Variants in NFX1 observed in about 807,000 individuals in gnomAD.
The protein encoded by NFX1 is transcriptional repressor NF-X1.
A neutral mutation model predicts 137.2 loss-of-function variants in NFX1; 69 were observed. That is an observed-to-expected ratio of 0.50 (90% CI 0.41 to 0.61). The LOEUF is 0.61. Ranked by LOEUF, NFX1 falls within the 20% of genes least tolerant of loss-of-function variation. NFX1 has a pLI of 0.00. For synonymous variants in NFX1, 495 were observed against 474.1 expected (o/e 1.04, Z -0.57); for missense variants, 1,167 against 1,391.0 (o/e 0.84, Z 2.56).
chr9:33,364,872 T>C (rs1824125293), intron 21 of NFX1, 98 bp downstream of exon 21: 4 of 1,535,364 alleles, frequency 2.6e-6, no homozygotes, highest in Admixed American at 2.2e-5. Flanking sequence ...CCTAGAGTAG[T>C]TGTAGGAAAA....
At chr9:33,352,951 T>C (rs185186809) in intron 17 of NFX1, 37 of 460,028 alleles carry the variant, frequency 8.0e-5, no homozygotes, top group African/African-American at 6.9e-4. Context: ...TTTTGTTTTA[T>C]TGAGAGGGGT....
At position 33,298,501 on chromosome 9, in the gene NFX1, G is replaced by A. The variant is rs1002619602; in HGVS notation, c.1034-2762G>A. Reference sequence around the variant, plus strand: ...TTCTAAAATAATCACTTAGGGTCTGGATGTGGTGGCTCACATCTGTAATCC... The same window carrying A: ...TTCTAAAATAATCACTTAGGGTCTGAATGTGGTGGCTCACATCTGTAATCC... On this transcript the variant is annotated intron_variant, in intron 2 of 23. Transcript: ENST00000379540. Among the ~76,000 whole-genome samples the A allele has an allele frequency of 8.5e-5, 13 of 152,332 alleles. No homozygotes were observed. The South Asian group carries it at 1.7e-3, about 19-fold the overall frequency.
At chr9:33,290,929 A>G (rs1333581087) in intron 1 of NFX1, among the ~76,000 whole-genome samples, 1 of 152,194 alleles carries the variant, frequency 6.6e-6, no homozygotes, top group African/African-American at 2.4e-5. Flanking sequence ...GGTCACAGCC[A>G]GTGACGGTGG....
intron 11 of NFX1, among the ~76,000 whole-genome samples, chr9:33,333,415 A>G (rs1196823801): frequency 6.6e-6 from 1 of 151,968 alleles, no homozygotes; most frequent in Non-Finnish European, 1.5e-5. Flanking sequence ...GATTTTGAAG[A>G]CTTCAATTTG....
intron 9 of NFX1, 111 bp from the exon 10 acceptor site, chr9:33,328,470 A>G (rs1822678566): frequency 4.1e-6 from 3 of 723,098 alleles, no homozygotes; most frequent in Middle Eastern, 2.4e-4. Context: ...CTCAACTCTG[A>G]TTCTGGAGTT....
At position 33,303,396 on chromosome 9, in the gene NFX1, A is replaced by G. The variant is rs1052618821; in HGVS notation, c.1270+128A>G. On this transcript the variant is annotated intron_variant, in intron 4 of 23. Coordinates refer to ENST00000379540, the MANE Select transcript of NFX1 (RefSeq NM_002504.6). ...CTTCAAAGCTCTAGGAGTCTATAAG[A>G]CTGTAATTATGTGGTCCATCACACA... 4.3e-5 allele frequency: 32 copies of G among 752,116 alleles called. No individual in the cohort carries two copies. The Middle Eastern group carries it at 1.2e-3, about 28-fold the overall frequency. The allele number at this position is 752,116 out of a possible 1,614,324, so 46.6% of individuals were successfully genotyped here.
chr9:33,347,227 A>T (rs1823456035), intron 15 of NFX1, 110 bp downstream of exon 15: 1 of 816,736 alleles, frequency 1.2e-6, no homozygotes, highest in Non-Finnish European at 2.0e-6. Flanking sequence ...CAGAAGTAGA[A>T]GCTTTCCATT....
At chr9:33,301,463 T>C (rs761811527) in intron 3 of NFX1, 42 bp downstream of exon 3, 1 of 1,594,098 alleles carries the variant, frequency 6.3e-7, no homozygotes, top group Non-Finnish European at 8.5e-7. Flanking sequence ...CTCCCCTATT[T>C]GATACGTTTA....
At chr9:33,304,376 C>T (rs1325545271) in intron 4 of NFX1, among the ~76,000 whole-genome samples, 2 of 152,226 alleles carry the variant, frequency 1.3e-5, no homozygotes, top group African/African-American at 4.8e-5. Flanking sequence ...TAGCCCTTGA[C>T]ACCTTTGACC....
At chr9:33,314,023 G>A (rs895203434) in intron 7 of NFX1, among the ~76,000 whole-genome samples, 12 of 151,406 alleles carry the variant, frequency 7.9e-5, no homozygotes, top group African/African-American at 1.9e-4. Flanking sequence ...TCACTCTGCC[G>A]CCCAGGCTGG....
rs1821558701 is a variant in NFX1 at position 33,301,381 on chromosome 9, C to T, written c.1152C>T (p.Asn384=). The T allele has an allele frequency of 6.2e-7, 1 of 1,614,030 alleles. No individual in the cohort carries two copies. The highest frequency in any genetic ancestry group is 1.3e-5 in the African/African-American group (1 of 74,920). ...GCTGTTACCATGTGTTTCATTTGAA[C>T]TGCATAAAGAAATGGGCAAGGTCTC... The part of the protein sequence containing the change: ...CQSCYHVFHL[N]CIKKWARSPA... The change falls in exon 3 of 24, where the codon AAC becomes AAT. Residue 384 remains asparagine (N), a synonymous_variant. Coordinates refer to ENST00000379540, the MANE Select transcript of NFX1 (RefSeq NM_002504.6).
At chr9:33,305,979 G>A (rs752685066) in intron 4 of NFX1, among the ~76,000 whole-genome samples, 3 of 152,130 alleles carry the variant, frequency 2.0e-5, no homozygotes, top group Non-Finnish European at 2.9e-5. Flanking sequence ...CACTTGCAGG[G>A]GAAAGAAAAG....
At chr9:33,327,548 G>A (rs1260940076) in intron 9 of NFX1, among the ~76,000 whole-genome samples, 1 of 151,848 alleles carries the variant, frequency 6.6e-6, no homozygotes, top group African/African-American at 2.4e-5. Flanking sequence ...TGTATTTTTA[G>A]TAGAGACAGG....
rs374581221 is a variant in NFX1 at position 33,338,608 on chromosome 9, C to G, written c.2115+19C>G. On this transcript the variant is annotated intron_variant, in intron 12 of 23. Coordinates refer to ENST00000379540, the MANE Select transcript of NFX1 (RefSeq NM_002504.6). ...CTGTGTGGTAAGTGGACTTATTAGGCATAATCAGATTCCATTCATCCAGGT... is the reference window on the plus strand; with the variant it reads ...CTGTGTGGTAAGTGGACTTATTAGGGATAATCAGATTCCATTCATCCAGGT... 4 of 1,565,118 alleles carry G rather than the reference C, an allele frequency of 2.6e-6. No homozygotes were observed. The East Asian group carries it at 9.0e-5, about 35-fold the overall frequency.
Position 33,294,469 on chromosome 9 carries a change from A to G in NFX1, c.75A>G (p.Lys25=). Residue 25 remains lysine, a synonymous_variant, in exon 2 of 24, where the codon AAA becomes AAG. Transcript: ENST00000379540. ...CTGCTGAATTCATTCCTCAGGAGAA[A>G]AAAAATTCTGGTCTAAATTGTGGGA... The part of the protein sequence containing the change: ...TDAAEFIPQE[K]KNSGLNCGTQ... 6.2e-7 allele frequency: 1 copy of G among 1,603,868 alleles called. No individual in the cohort carries two copies.
chr9:33,301,294 A>C lies in NFX1; in HGVS notation c.1065A>C (p.Lys355Asn). 6.2e-7 allele frequency: 1 copy of C among 1,614,120 alleles called. No homozygotes were observed. Among genetic ancestry groups the C allele is most frequent in the Non-Finnish European group, 8.5e-7 (1 of 1,180,018 alleles). ...TAATTGAACAACTAACAACAGAAAA[A>C]TACGAGTGCATGGTGTGCTGTGAAT... ...GSLIEQLTTE[K>N]YECMVCCELV... is the part of the protein sequence containing the mutation. The change falls in exon 3 of 24, where the codon AAA becomes AAC. Residue 355 changes from lysine (K) to asparagine (N), a missense_variant. Around this residue, in one of 3 missense-constraint regions of NFX1, gnomAD observed 488 missense variants for 691.5 expected, o/e 0.71. Coordinates refer to ENST00000379540, the MANE Select transcript of NFX1 (RefSeq NM_002504.6).
chr9:33,366,400 C>T (rs4879688), intron 21 of NFX1, among the ~76,000 whole-genome samples: 8,429 of 152,174 alleles, frequency 0.055, 260 homozygotes, highest in East Asian at 0.095. Flanking sequence ...TGTCCCTAAC[C>T]CTGTCCAGCT....
chr9:33,324,424 A>G (rs2118434519), intron 9 of NFX1, among the ~76,000 whole-genome samples: 1 of 152,108 alleles, frequency 6.6e-6, no homozygotes, highest in East Asian at 1.9e-4. Flanking sequence ...GGTGGCACAC[A>G]CCTGTGATCC....
Position 33,346,977 on chromosome 9 carries a change from A to G in NFX1, c.2345-61A>G, listed in dbSNP as rs1348608877. The G allele has an allele frequency of 5.1e-6, 7 of 1,367,120 alleles. No individual in the cohort carries two copies. The East Asian group carries it at 1.6e-4, about 32-fold the overall frequency. The allele number at this position is 1,367,120 out of a possible 1,614,324, so 84.7% of individuals were successfully genotyped here. On this transcript the variant is annotated intron_variant, in intron 14 of 23. Coordinates refer to ENST00000379540, the MANE Select transcript of NFX1 (RefSeq NM_002504.6). ...ATGCCGTATGCCACTTATATGATGT[A>G]TAATGGTTTACATGGCTTTATTTAG...
Sources: allele counts gnomAD v4.1 joint callset (sites outside exome capture counted in the v4.1 genomes callset), GRCh38; gene constraint gnomAD v4.1.1; regional missense constraint gnomAD v4.1.1; transcripts MANE v1.5; gene names NCBI Gene and HGNC (gene_info 2026-07-23, HGNC 2026-07-21).